CCDC77: variants seen among roughly 807,000 people sequenced by gnomAD.
CCDC77 encodes coiled-coil domain-containing protein 77.
A neutral mutation model predicts 66.8 loss-of-function variants in CCDC77; 56 were observed. That is an observed-to-expected ratio of 0.84 (90% CI 0.68 to 1.05). The LOEUF (loss-of-function observed/expected upper bound fraction) is 1.05, where lower values mean the gene tolerates loss of function less well. Among genes scored for constraint, CCDC77 ranks in the 50% least tolerant of loss-of-function variants. CCDC77 has a pLI of 0.00. For missense variants in CCDC77, 570 were observed against 576.8 expected (o/e 0.99, Z 0.12); for synonymous variants, 196 against 195.2 (o/e 1.00, Z -0.03).
chr12:416,846 G>A (rs1052572609), intron 4 of CCDC77, among the ~76,000 whole-genome samples: 2 of 151,190 alleles, frequency 1.3e-5, no homozygotes, highest in Admixed American at 1.3e-4. Flanking sequence ...GGTGGCTCGT[G>A]CCTGTAATCC....
chr12:423,371 C>T (rs1261607204), intron 5 of CCDC77, among the ~76,000 whole-genome samples: 1 of 147,682 alleles, frequency 6.8e-6, no homozygotes, highest in African/African-American at 2.5e-5. Context: ...AACTCCTGAG[C>T]TCAAGCAATC....
rs1189951141 is a variant in CCDC77, at chr12:427,245, G to A, written c.414-1524G>A. Among the ~76,000 whole-genome samples, 7 of 134,004 alleles carry A rather than the reference G, an allele frequency of 5.2e-5. No homozygotes were observed. The East Asian group carries it at 1.7e-3, about 32-fold the overall frequency. 87.9% of individuals were successfully genotyped at this position (134,004 alleles called of 152,430 possible). On this transcript the variant is annotated intron_variant, in intron 5 of 12. Transcript: ENST00000239830. ...GGGCGACAGAGCGAGACTCTGCCTC[G>A]GAAAGAAAAAAAAAAACGGACTCGG...
chr12:440,639 A>T lies in CCDC77; in HGVS notation c.1064A>T (p.Gln355Leu). Residue 355 changes from glutamine to leucine, a missense_variant, in exon 11 of 13, where the codon CAA becomes CTA. Coordinates refer to ENST00000239830, the MANE Select transcript of CCDC77 (RefSeq NM_032358.4). Reference sequence around the variant, plus strand: ...TAGTCCCTAAAAGATAAGTTAGTACAAGAGAAAAAGCTGTCCAATATGTAC... The same window carrying T: ...TAGTCCCTAAAAGATAAGTTAGTACTAGAGAAAAAGCTGTCCAATATGTAC... ...YIKSLKDKLVQEKKLSNMYQE... is the reference protein window; with the variant it reads ...YIKSLKDKLVLEKKLSNMYQE... The T allele has an allele frequency of 6.2e-7, 1 of 1,614,196 alleles. No individual in the cohort carries two copies. The highest frequency in any genetic ancestry group is 1.7e-5 in the Admixed American group (1 of 60,034).
intron 4 of CCDC77, among the ~76,000 whole-genome samples, chr12:417,532 C>T (rs1038802381): frequency 6.6e-6 from 1 of 152,164 alleles, no homozygotes; most frequent in African/African-American, 2.4e-5. Flanking sequence ...CCATGAAATT[C>T]CGTAGCTCTG....
chr12:400,751 T>C (rs1825190994), upstream of CCDC77, among the ~76,000 whole-genome samples: 1 of 152,186 alleles, frequency 6.6e-6, no homozygotes, highest in South Asian at 2.1e-4. Context: ...ATACAATAAT[T>C]ATGAAAAAGT....
At chr12:425,503 C>T (rs988284826) in intron 5 of CCDC77, among the ~76,000 whole-genome samples, 5 of 152,046 alleles carry the variant, frequency 3.3e-5, no homozygotes, top group Admixed American at 2.0e-4. Flanking sequence ...ACCGAAAGCT[C>T]GCCTTCCATG....
chr12:402,314 C>CTCTA (rs1450646615), intron 1 of CCDC77, among the ~76,000 whole-genome samples: 3 of 152,208 alleles, frequency 2.0e-5, no homozygotes, highest in African/African-American at 7.2e-5. Context: ...CAATAAAGCA[C>CTCTA]TCTAATATGT....
chr12:425,944 A>G (rs1005350537), intron 5 of CCDC77, among the ~76,000 whole-genome samples: 3 of 152,182 alleles, frequency 2.0e-5, no homozygotes. Flanking sequence ...AGCTCACTGC[A>G]ACCTCCGCCT....
At chr12:406,011 C>CG (rs1944983399) in intron 2 of CCDC77, among the ~76,000 whole-genome samples, 1 of 151,430 alleles carries the variant, frequency 6.6e-6, no homozygotes, top group Non-Finnish European at 1.5e-5. Context: ...CTTGATCCCC[C>CG]GGTGCAGGCG....
intron 4 of CCDC77, among the ~76,000 whole-genome samples, chr12:413,809 G>T (rs7136116): frequency 0.18 from 26,992 of 150,882 alleles, 3,049 homozygotes; most frequent in Non-Finnish European, 0.24. Flanking sequence ...TTGTATTTTA[G>T]TAGAGGCAGG....
chr12:416,355 G>GTA lies in CCDC77; in HGVS notation c.271-2138_271-2137insAT, dbSNP rs1565569017. 5.7e-3 allele frequency among the ~76,000 whole-genome samples: 182 copies of GTA among 31,730 alleles called. 8 individuals are homozygous for GTA. Among genetic ancestry groups the GTA allele is most frequent in the East Asian group, 0.043 (17 of 400 alleles). 20.8% of individuals were successfully genotyped at this position (31,730 alleles called of 152,430 possible). A position where few individuals can be genotyped will look rare whatever the true frequency, so the allele number is the denominator to read the frequency against. The stretch of plus-strand genomic sequence containing the variant: ...TGTGGGTGTGTGGGGGTGTGTGTGT[G>GTA]TGTGTGTGTGTGTGTGTGTGTGTAT... On this transcript the variant is annotated intron_variant, in intron 4 of 12. Transcript: ENST00000239830.
chr12:439,840 T>C (rs943682292), intron 10 of CCDC77, among the ~76,000 whole-genome samples: 17 of 152,046 alleles, frequency 1.1e-4, no homozygotes, highest in African/African-American at 4.1e-4. Flanking sequence ...ATAAAAGAAT[T>C]ACATGAAAAT....
intron 4 of CCDC77, among the ~76,000 whole-genome samples, chr12:416,519 A>G (rs1427889985): frequency 6.8e-6 from 1 of 146,774 alleles, no homozygotes; most frequent in Non-Finnish European, 1.5e-5. Flanking sequence ...GGTTTAAGCA[A>G]TTGTCCTGCC....
intron 10 of CCDC77, among the ~76,000 whole-genome samples, chr12:439,297 A>C (rs1409906396): frequency 3.9e-5 from 6 of 152,082 alleles, no homozygotes; most frequent in Admixed American, 3.9e-4. Context: ...AGGCGGGTGG[A>C]TCACCTGAGG....
At chr12:400,917 G>T (rs1944885825), upstream of CCDC77, among the ~76,000 whole-genome samples, 1 of 152,194 alleles carries the variant, frequency 6.6e-6, no homozygotes, top group Non-Finnish European at 1.5e-5. Context: ...AAAGGAAAGT[G>T]CGAGCCTGTA....
chr12:425,725 C>A (rs1191461706), intron 5 of CCDC77, among the ~76,000 whole-genome samples: 1 of 152,168 alleles, frequency 6.6e-6, no homozygotes, highest in Non-Finnish European at 1.5e-5. Flanking sequence ...TCATCTGCAA[C>A]CCTCCCGAGC....
At chr12:390,568 G>A (rs923940240) in intron 1 of CCDC77, among the ~76,000 whole-genome samples, 18 of 152,158 alleles carry the variant, frequency 1.2e-4, no homozygotes, top group African/African-American at 4.1e-4. Context: ...TAGAACAAAA[G>A]ACTGACCTTC....
chr12:412,379 A>AAT (rs1490888964), intron 4 of CCDC77, among the ~76,000 whole-genome samples: 3 of 152,238 alleles, frequency 2.0e-5, no homozygotes, highest in Non-Finnish European at 2.9e-5. Context: ...CCCCTTGCTC[A>AAT]ATTATTCTTC....
At chr12:393,820 C>T (rs544687415) in intron 1 of CCDC77, among the ~76,000 whole-genome samples, 1 of 152,348 alleles carries the variant, frequency 6.6e-6, no homozygotes, top group Admixed American at 6.5e-5. Flanking sequence ...GCGTGAGCCA[C>T]TGCGTCCAGC....
Sources: gnomAD v4.1 joint callset for allele counts (sites outside exome capture counted in the v4.1 genomes callset) on GRCh38, gnomAD v4.1.1 for gene constraint, MANE v1.5 for transcripts, NCBI Gene and HGNC (gene_info 2026-07-23, HGNC 2026-07-21) for gene names.